The following ZNF423 variants were observed in gnomAD, a reference collection of about 807,000 sequenced individuals.
The protein encoded by ZNF423 is zinc finger protein 423.
Under a neutral mutation model 95.8 loss-of-function variants are expected in ZNF423, and 12 were observed. The ratio of observed to expected loss-of-function variants is 0.13; its 90% CI spans 0.08 to 0.20. ZNF423 has a LOEUF of 0.20. ZNF423 is among the 10% of genes least tolerant of loss of function. The pLI, the probability that ZNF423 is intolerant of heterozygous loss-of-function variation, is 1.00. For synonymous variants in ZNF423, 749 were observed against 711.9 expected (o/e 1.05, Z -0.83); for missense variants, 1,316 against 1,737.1 (o/e 0.76, Z 4.31).
At chr16:49,757,129 G>A (rs1206754936) in intron 2 of ZNF423, among the ~76,000 whole-genome samples, 1 of 152,164 alleles carries the variant, frequency 6.6e-6, no homozygotes, top group Non-Finnish European at 1.5e-5. Flanking sequence ...GCAATGTTGG[G>A]ACTGAATCCA....
At chr16:49,654,832 C>T (rs74375849) in intron 3 of ZNF423, among the ~76,000 whole-genome samples, 1,790 of 152,290 alleles carry the variant, frequency 0.012, 21 homozygotes, top group African/African-American at 0.041. Flanking sequence ...AAAGAGAGGG[C>T]AGAGTCCACG....
intron 1 of ZNF423, among the ~76,000 whole-genome samples, chr16:49,820,635 C>T (rs560308058): frequency 6.6e-6 from 1 of 152,260 alleles, no homozygotes; most frequent in South Asian, 2.1e-4. Flanking sequence ...TCTCCCCCTC[C>T]CCCTTGCATT....
intron 5 of ZNF423, among the ~76,000 whole-genome samples, chr16:49,579,572 A>T (rs944949267): frequency 9.2e-5 from 14 of 152,034 alleles, no homozygotes; most frequent in African/African-American, 3.4e-4. Flanking sequence ...TTGTGGGGAG[A>T]CAGAAGGGAG....
intron 4 of ZNF423, among the ~76,000 whole-genome samples, chr16:49,626,973 T>C (rs1972304336): frequency 1.1e-5 from 1 of 91,534 alleles, no homozygotes; most frequent in Non-Finnish European, 2.0e-5. Flanking sequence ...TACCCATCCA[T>C]CCATATACCC....
At chr16:49,614,117 A>T (rs1482469367) in intron 5 of ZNF423, among the ~76,000 whole-genome samples, 1 of 152,260 alleles carries the variant, frequency 6.6e-6, no homozygotes, top group Non-Finnish European at 1.5e-5. Flanking sequence ...AAAGCAAATG[A>T]TCCAATTAGA....
chr16:49,624,914 T>C (rs1234421858), intron 5 of ZNF423, among the ~76,000 whole-genome samples: 1 of 152,254 alleles, frequency 6.6e-6, no homozygotes, highest in African/African-American at 2.4e-5. Flanking sequence ...TCTTGATCTG[T>C]GTGTGGGTTA....
chr16:49,542,810 G>T (rs542397259), intron 5 of ZNF423, among the ~76,000 whole-genome samples: 1 of 152,194 alleles, frequency 6.6e-6, no homozygotes, highest in Non-Finnish European at 1.5e-5. Context: ...GACAGGCTCT[G>T]GGGGTGGGGA....
Position 49,704,388 on chromosome 16 carries a change from T to C in ZNF423, c.301+26383A>G, listed in dbSNP as rs149831327. Among the ~76,000 whole-genome samples the C allele has an allele frequency of 1.4e-4, 21 of 152,224 alleles. No individual in the cohort carries two copies. The East Asian group carries it at 4.1e-3, about 29-fold the overall frequency. On this transcript the variant is annotated intron_variant, in intron 3 of 7. Coordinates refer to ENST00000563137, the MANE Select transcript of ZNF423 (RefSeq NM_001379286.1). ...CACAGGGCTCTGACACCTTTCTCCT[T>C]GGATGACAGTAACCCAGTGACCAAC...
chr16:49,656,834 C>G (rs1001980681), intron 3 of ZNF423, among the ~76,000 whole-genome samples: 2 of 152,126 alleles, frequency 1.3e-5, no homozygotes, highest in African/African-American at 4.8e-5. Context: ...ATATTCACAG[C>G]AATCTGATGT....
intron 3 of ZNF423, among the ~76,000 whole-genome samples, chr16:49,654,297 C>T (rs906863857): frequency 6.6e-6 from 1 of 152,264 alleles, no homozygotes; most frequent in African/African-American, 2.4e-5. Flanking sequence ...GCCCACCTCC[C>T]CAAGCATCTC....
At chr16:49,733,163 C>T (rs1242042372) in intron 2 of ZNF423, among the ~76,000 whole-genome samples, 5 of 152,000 alleles carry the variant, frequency 3.3e-5, no homozygotes. Context: ...ACCATGGTTA[C>T]ACAGTCAAGT....
In ZNF423 at chr16:49,637,257, T is replaced by C; in HGVS notation, c.1919A>G (p.Tyr640Cys). Residue 640 changes from tyrosine (Y) to cysteine (C), a missense_variant, in exon 4 of 8, where the codon TAT becomes TGT. By Grantham distance (194) the Tyr-to-Cys change is radical. Around this residue, in one of 6 missense-constraint regions of ZNF423, gnomAD observed 620 missense variants for 775.6 expected, o/e 0.80. Coordinates refer to ENST00000563137, the MANE Select transcript of ZNF423 (RefSeq NM_001379286.1). This position sits in a 1 kb window ranked among gnomAD's most constrained non-coding sequence, Gnocchi z 5.6. ...CTTGAGGTCGCATTGATTGCAAGGA[T>C]ACTCCCCATTGGAGATGGAGTTGGC... ...ASANSISNGEYPCNQCDLKFS... is the reference protein window; with the variant it reads ...ASANSISNGECPCNQCDLKFS... 1 of 1,614,156 alleles carries C rather than the reference T, an allele frequency of 6.2e-7. No individual in the cohort carries two copies. Among genetic ancestry groups the C allele is most frequent in the Admixed American group, 1.7e-5 (1 of 60,024 alleles).
intron 3 of ZNF423, among the ~76,000 whole-genome samples, chr16:49,647,112 CCCTGCTGGA>C (rs1400720377): frequency 1.3e-5 from 2 of 152,222 alleles, no homozygotes; most frequent in Non-Finnish European, 2.9e-5. Flanking sequence ...AGGCCCATAT[CCCTGCTGGA>C]CCTGCTCCCT....
intron 2 of ZNF423, among the ~76,000 whole-genome samples, chr16:49,758,648 G>A (rs1395896538): frequency 6.6e-6 from 1 of 152,104 alleles, no homozygotes; most frequent in Non-Finnish European, 1.5e-5. Flanking sequence ...AGGCTGAGAT[G>A]AGAGGATCGC....
At chr16:49,634,063 T>C (rs1972597091) in intron 4 of ZNF423, among the ~76,000 whole-genome samples, 1 of 151,990 alleles carries the variant, frequency 6.6e-6, no homozygotes, top group Non-Finnish European at 1.5e-5. Flanking sequence ...TATGCCACTA[T>C]GCCCACCTAA....
chr16:49,592,909 G>A (rs905680440), intron 5 of ZNF423, among the ~76,000 whole-genome samples: 5 of 152,348 alleles, frequency 3.3e-5, no homozygotes, highest in African/African-American at 1.2e-4. Flanking sequence ...CATAAACAGG[G>A]AAGAAGATAT....
intron 5 of ZNF423, among the ~76,000 whole-genome samples, chr16:49,598,299 G>C (rs1406424511): frequency 6.6e-6 from 1 of 152,196 alleles, no homozygotes; most frequent in Non-Finnish European, 1.5e-5. Flanking sequence ...TGTCACATGG[G>C]AACAATAACT....
intron 3 of ZNF423, among the ~76,000 whole-genome samples, chr16:49,672,555 G>A (rs1386082862): frequency 2.0e-5 from 3 of 152,208 alleles, no homozygotes; most frequent in South Asian, 4.1e-4. Flanking sequence ...GGTGGTTCAC[G>A]CCTGTAATCC....
At chr16:49,793,910 C>A (rs1419503663) in intron 1 of ZNF423, among the ~76,000 whole-genome samples, 1 of 152,236 alleles carries the variant, frequency 6.6e-6, no homozygotes, top group Non-Finnish European at 1.5e-5. Context: ...AGCCCCTCTG[C>A]ACACTGGGAG....
Sources: allele counts gnomAD v4.1 joint callset (sites outside exome capture counted in the v4.1 genomes callset), GRCh38; gene constraint gnomAD v4.1.1; regional missense constraint gnomAD v4.1.1; non-coding constraint Gnocchi (gnomAD v3.1); transcripts MANE v1.5; gene names NCBI Gene and HGNC (gene_info 2026-07-23, HGNC 2026-07-21).